The following CCDC102B variants were observed in gnomAD, a reference collection of about 807,000 sequenced individuals.
CCDC102B encodes coiled-coil domain-containing protein 102B.
CCDC102B carries 75 observed loss-of-function variants against 57.4 expected under a neutral mutation model. The observed-to-expected ratio is 1.31, with a 90% CI of 1.08 to 1.58. The LOEUF (loss-of-function observed/expected upper bound fraction) is 1.58, where lower values mean the gene tolerates loss of function less well. CCDC102B is among the 40% of genes most tolerant of loss of function. CCDC102B has a pLI of 0.00. For missense variants in CCDC102B, 636 were observed against 582.6 expected, an observed-to-expected ratio of 1.09 and a Z score of -0.94; for synonymous variants, 206 against 201.9, an observed-to-expected ratio of 1.02 and a Z score of -0.17.
At position 68,838,909 on chromosome 18, in the gene CCDC102B, C is replaced by A. The variant is rs1419346694; in HGVS notation, c.810C>A (p.Ile270=). The part of the protein sequence containing the change: ...LQVHLDEFQK[I]LWKEREMRTA... The stretch of plus-strand genomic sequence containing the variant: ...TGCATTTGGATGAATTCCAAAAAAT[C>A]TTATGGAAGGAAAGAGAGTAAGTGC... Residue 270 remains isoleucine, a synonymous_variant, in exon 3 of 8, where the codon ATC becomes ATA. Coordinates refer to ENST00000360242, the MANE Select transcript of CCDC102B (RefSeq NM_024781.3). The A allele has an allele frequency of 6.2e-7, 1 of 1,613,470 alleles. No individual in the cohort carries two copies. The highest frequency in any genetic ancestry group is 2.2e-5 in the East Asian group (1 of 44,814).
intron 6 of CCDC102B, among the ~76,000 whole-genome samples, chr18:68,917,379 G>C (rs1198651556): frequency 6.6e-6 from 1 of 152,104 alleles, no homozygotes; most frequent in Admixed American, 6.5e-5. Context: ...GCTCAGCATA[G>C]CTACACGTAC....
chr18:68,869,502 C>G (rs2039145729), intron 4 of CCDC102B, among the ~76,000 whole-genome samples: 1 of 152,214 alleles, frequency 6.6e-6, no homozygotes, highest in Admixed American at 6.5e-5. Flanking sequence ...AGTGCAACAG[C>G]TCTTTCAAGG....
rs17080065 is a variant in CCDC102B at position 69,010,945 on chromosome 18, C to A, written c.1275C>A (p.Asn425Lys). 7,435 of 1,590,682 alleles carry A rather than the reference C, an allele frequency of 4.7e-3. 261 individuals are homozygous for A. The African/African-American group carries it at 0.084, about 18-fold the overall frequency. ...TTTTCCTTTGAAAGGAATTACTGAACCTTCAACATGCCTACTATAAACTAA... is the reference window on the plus strand; with the variant it reads ...TTTTCCTTTGAAAGGAATTACTGAAACTTCAACATGCCTACTATAAACTAA... The part of the protein sequence containing the change: ...DLQEKNQELL[N>K]LQHAYYKLNR... The change falls in exon 7 of 8, where the codon AAC (asparagine) becomes AAA (lysine). Residue 425 changes from asparagine (N) to lysine (K), a missense_variant. Transcript: ENST00000360242.
intron 5 of CCDC102B, among the ~76,000 whole-genome samples, chr18:68,882,842 A>G (rs1239337571): frequency 6.6e-6 from 1 of 152,202 alleles, no homozygotes; most frequent in East Asian, 1.9e-4. Context: ...TTGCAGGGAC[A>G]TGGATGGGGC....
intron 2 of CCDC102B, among the ~76,000 whole-genome samples, chr18:68,771,292 A>G (rs1282996317): frequency 2.0e-5 from 3 of 152,206 alleles, no homozygotes; most frequent in African/African-American, 7.2e-5. Context: ...TTCTTTGGAG[A>G]TACGTTGGGT....
At chr18:69,015,038 T>A (rs541216910) in intron 7 of CCDC102B, among the ~76,000 whole-genome samples, 40 of 149,506 alleles carry the variant, frequency 2.7e-4, no homozygotes, top group African/African-American at 8.0e-4. Context: ...AGAAAAAAAA[T>A]TTGCTGTTCT....
intron 2 of CCDC102B, among the ~76,000 whole-genome samples, chr18:68,761,747 G>A (rs2034260641): frequency 6.6e-6 from 1 of 151,946 alleles, no homozygotes; most frequent in Admixed American, 6.6e-5. Flanking sequence ...CCTTATAGCT[G>A]GGTTTAGTTT....
intron 6 of CCDC102B, among the ~76,000 whole-genome samples, chr18:68,986,904 T>G (rs1388099257): frequency 6.6e-6 from 1 of 152,116 alleles, no homozygotes; most frequent in Non-Finnish European, 1.5e-5. Context: ...TACAAAACAC[T>G]GCTGAAAGAA....
chr18:69,021,396 AC>A (rs1395547823), intron 7 of CCDC102B, among the ~76,000 whole-genome samples: 2 of 152,334 alleles, frequency 1.3e-5, no homozygotes, highest in Admixed American at 6.5e-5. Flanking sequence ...CTGCAGGTTC[AC>A]ATGGGGACAC....
At chr18:68,913,017 G>A (rs1009350469) in intron 6 of CCDC102B, among the ~76,000 whole-genome samples, 7 of 152,014 alleles carry the variant, frequency 4.6e-5, no homozygotes, top group Non-Finnish European at 1.0e-4. Context: ...TCTAGTTGCT[G>A]GATTTATTTC....
At chr18:68,756,897 GTGTGTGTC>G (rs2145258423) in intron 2 of CCDC102B, among the ~76,000 whole-genome samples, 1 of 152,126 alleles carries the variant, frequency 6.6e-6, no homozygotes, top group Admixed American at 6.6e-5. Flanking sequence ...GTGTGTGTGT[GTGTGTGTC>G]TGTGTGTCTG....
chr18:69,032,691 A>G (rs1042803234), intron 7 of CCDC102B, among the ~76,000 whole-genome samples: 15 of 152,134 alleles, frequency 9.9e-5, no homozygotes, highest in African/African-American at 3.6e-4. Context: ...ACTGCAAGTG[A>G]TCTCTGGGAT....
At chr18:68,857,302 TA>T (rs1233925707) in intron 4 of CCDC102B, among the ~76,000 whole-genome samples, 3 of 6,416 alleles carry the variant, frequency 4.7e-4, no homozygotes, top group African/African-American at 1.6e-3. Flanking sequence ...ATTATATATA[TA>T]ATATATATTT....
At chr18:68,991,736 C>T (rs914581670) in intron 6 of CCDC102B, among the ~76,000 whole-genome samples, 1 of 152,106 alleles carries the variant, frequency 6.6e-6, no homozygotes, top group Non-Finnish European at 1.5e-5. Flanking sequence ...CTTTAGAAGT[C>T]GTTAAATATC....
intron 6 of CCDC102B, among the ~76,000 whole-genome samples, chr18:68,997,792 G>A (rs533568848): frequency 1.3e-4 from 20 of 151,554 alleles, no homozygotes; most frequent in East Asian, 5.8e-4. Context: ...TGTTCTCACC[G>A]TTTCCTATTA....
chr18:68,843,851 A>G (rs1012115680), intron 3 of CCDC102B, among the ~76,000 whole-genome samples: 1 of 152,008 alleles, frequency 6.6e-6, no homozygotes, highest in Admixed American at 6.6e-5. Context: ...ACACAGAATA[A>G]AATGATTAGG....
chr18:68,948,302 C>A (rs989119009), intron 6 of CCDC102B, among the ~76,000 whole-genome samples: 1 of 151,954 alleles, frequency 6.6e-6, no homozygotes, highest in Admixed American at 6.6e-5. Flanking sequence ...ATATAGCATA[C>A]CAATCTTCCT....
chr18:68,790,204 T>C (rs372996248), intron 2 of CCDC102B, among the ~76,000 whole-genome samples: 4,591 of 145,124 alleles, frequency 0.032, 140 homozygotes, highest in East Asian at 0.083. Flanking sequence ...TCTCCAGCTG[T>C]GTGCTGGGAG....
Position 68,846,436 on chromosome 18 carries a change from G to T in CCDC102B, c.936+15G>T, listed in dbSNP as rs754622358. On this transcript the variant is annotated intron_variant, in intron 4 of 7. Transcript: ENST00000360242. ...ATGTGAAAGAGGTATGGGGGAATAT[G>T]ATGTAAAGGAAGAAATGAAGCCTAG... The T allele has an allele frequency of 2.7e-6, 4 of 1,455,938 alleles. No homozygotes were observed. Among genetic ancestry groups the T allele is most frequent in the Non-Finnish European group, 2.8e-6 (3 of 1,066,798 alleles). The allele number at this position is 1,455,938 out of a possible 1,614,324, so 90.2% of individuals were successfully genotyped here.
Sources: allele counts gnomAD v4.1 joint callset (sites outside exome capture counted in the v4.1 genomes callset), GRCh38; gene constraint gnomAD v4.1.1; transcripts MANE v1.5; gene names NCBI Gene and HGNC (gene_info 2026-07-23, HGNC 2026-07-21).